Variants in RPS29 observed in about 807,000 individuals in gnomAD.
RPS29 encodes ribosomal protein S29.
For synonymous variants in RPS29, 37 were observed against 26.9 expected, an observed-to-expected ratio of 1.37 and a Z score of -1.16; for missense variants, 60 against 75.7, an observed-to-expected ratio of 0.79 and a Z score of 0.77.
intron 2 of RPS29, among the ~76,000 whole-genome samples, chr14:49,584,237 A>C (rs1881436776): frequency 6.6e-6 from 1 of 152,228 alleles, no homozygotes; most frequent in Non-Finnish European, 1.5e-5. Flanking sequence ...TCGGCCTCCC[A>C]AAGTGCTGGG....
intron 1 of RPS29, among the ~76,000 whole-genome samples, chr14:49,591,980 G>A (rs1881723182): frequency 6.6e-6 from 1 of 152,060 alleles, no homozygotes; most frequent in Non-Finnish European, 1.5e-5. Flanking sequence ...ATGAGACAGA[G>A]CGTATTTTCC....
At chr14:49,581,800 G>A (rs150717056), downstream of RPS29, among the ~76,000 whole-genome samples, 267 of 151,986 alleles carry the variant, frequency 1.8e-3, 3 homozygotes, top group African/African-American at 5.9e-3. Context: ...AGACCAAGGC[G>A]GGCTGATCAC....
At chr14:49,598,079 T>C (rs1487859660) in intron 1 of RPS29, 1 of 308,160 alleles carries the variant, frequency 3.2e-6, no homozygotes, top group Non-Finnish European at 5.9e-6. Flanking sequence ...TTTGTCACAG[T>C]TGTATTGAAA....
intron 2 of RPS29, among the ~76,000 whole-genome samples, chr14:49,584,655 T>C (rs908581677): frequency 2.8e-4 from 42 of 150,762 alleles, no homozygotes; most frequent in Non-Finnish European, 1.0e-4. Flanking sequence ...TCCCAGGTAC[T>C]AGGGAGGCTG....
chr14:49,577,850 C>G, exon 3 of RPS29: 1 of 1,589,492 alleles, frequency 6.3e-7, no homozygotes, highest in South Asian at 1.1e-5. Flanking sequence ...CAGCTCAGGT[C>G]TTTCTGTAAT....
chr14:49,595,810 CG>C (rs1406789816), intron 1 of RPS29, among the ~76,000 whole-genome samples: 1 of 152,044 alleles, frequency 6.6e-6, no homozygotes, highest in Non-Finnish European at 1.5e-5. Flanking sequence ...GTCAGGAGTT[CG>C]AGACCAGCCT....
upstream of RPS29, among the ~76,000 whole-genome samples, chr14:49,587,201 T>C (rs1391612504): frequency 6.6e-6 from 1 of 152,226 alleles, no homozygotes; most frequent in Non-Finnish European, 1.5e-5. Flanking sequence ...ATTTAGTGTA[T>C]TTGATTCTTA....
chr14:49,587,572 G>C (rs1201205184), upstream of RPS29, among the ~76,000 whole-genome samples: 1 of 152,204 alleles, frequency 6.6e-6, no homozygotes, highest in African/African-American at 2.4e-5. Context: ...GTTAGGCATT[G>C]TATTATATGA....
At chr14:49,597,526 A>G (rs1881858828) in intron 1 of RPS29, 1 of 152,224 alleles carries the variant, frequency 6.6e-6, no homozygotes, top group Admixed American at 6.5e-5. Flanking sequence ...GGTAACTCCT[A>G]TAAAGTCTAA....
chr14:49,596,278 A>C (rs1243757808), intron 1 of RPS29, among the ~76,000 whole-genome samples: 3 of 152,196 alleles, frequency 2.0e-5, no homozygotes, highest in Non-Finnish European at 2.9e-5. Context: ...TAAATGTTAT[A>C]TCTTTTATTT....
downstream of RPS29, among the ~76,000 whole-genome samples, chr14:49,580,007 T>C (rs1479092873): frequency 6.6e-6 from 1 of 152,206 alleles, no homozygotes; most frequent in Non-Finnish European, 1.5e-5. Flanking sequence ...ATAAAGCACT[T>C]AGACCACCTA....
chr14:49,595,144 T>C (rs944337531), intron 1 of RPS29, among the ~76,000 whole-genome samples: 6 of 152,156 alleles, frequency 3.9e-5, no homozygotes, highest in Non-Finnish European at 5.9e-5. Context: ...AGAGGTCTGA[T>C]GCTTAGGTGC....
chr14:49,585,843 C>G (rs939146161), intron 2 of RPS29, 107 bp downstream of exon 2: 2 of 829,616 alleles, frequency 2.4e-6, no homozygotes, highest in Middle Eastern at 3.6e-4. Flanking sequence ...GTCGAATGCT[C>G]AGAATTACCA....
At chr14:49,590,565 A>G (rs926260279), upstream of RPS29, among the ~76,000 whole-genome samples, 4 of 152,234 alleles carry the variant, frequency 2.6e-5, no homozygotes, top group Admixed American at 1.3e-4. Flanking sequence ...CTTTTCCTCT[A>G]AACTTTACAA....
upstream of RPS29, chr14:49,586,524 G>C: frequency 1.6e-6 from 1 of 630,054 alleles, no homozygotes; most frequent in East Asian, 2.8e-5. Flanking sequence ...GGCTGGCCCA[G>C]TTGATGACGT....
chr14:49,582,165 G>C (rs757937212), downstream of RPS29, among the ~76,000 whole-genome samples: 5 of 152,154 alleles, frequency 3.3e-5, no homozygotes, highest in South Asian at 2.1e-4. Flanking sequence ...GGGCACAGTA[G>C]TGCACACCTG....
chr14:49,573,415 G>A (rs1881103683), exon 3 of RPS29: 1 of 148,982 alleles, frequency 6.7e-6, no homozygotes, highest in Non-Finnish European at 1.5e-5. Context: ...AGAGGCTGCA[G>A]TGAGCCAAGA....
At chr14:49,574,979 G>C (rs574712120) in exon 3 of RPS29, 27 of 152,436 alleles carry the variant, frequency 1.8e-4, no homozygotes, top group Admixed American at 1.6e-3. Context: ...TAGAGCCAGA[G>C]ACTTTGAGTC....
upstream of RPS29, among the ~76,000 whole-genome samples, chr14:49,590,943 G>A (rs1183608274): frequency 5.3e-5 from 8 of 152,194 alleles, no homozygotes; most frequent in East Asian, 1.5e-3. Context: ...TTCCCCCTCA[G>A]CCTCCCAAAG....
Sources: gnomAD v4.1 joint callset for allele counts (sites outside exome capture counted in the v4.1 genomes callset) on GRCh38, gnomAD v4.1.1 for gene constraint, MANE v1.5 for transcripts, NCBI Gene and HGNC (gene_info 2026-07-23, HGNC 2026-07-21) for gene names.